The following CFAP46 variants were observed in gnomAD, a reference collection of about 807,000 sequenced individuals.
CFAP46 encodes the protein cilia and flagella associated protein 46, also known as cilia- and flagella-associated protein 46.
A neutral mutation model predicts 325.7 loss-of-function variants in CFAP46; 245 were observed. That is an observed-to-expected ratio of 0.75 (90% confidence interval 0.68 to 0.84). The LOEUF (loss-of-function observed/expected upper bound fraction) is 0.84. CFAP46 is among the 40% of genes least tolerant of loss of function. The pLI, the probability that CFAP46 is intolerant of heterozygous loss-of-function variation, is 0.00. For missense variants in CFAP46, 3,346 were observed against 3,543.0 expected (o/e 0.94, Z 1.41); for synonymous variants, 1,523 against 1,495.9 (o/e 1.02, Z -0.42).
chr10:132,916,664 G>T lies in CFAP46; in HGVS notation c.2005C>A (p.Arg669=). 6.7e-7 allele frequency: 1 copy of T among 1,487,716 alleles called. No homozygotes were observed. The highest frequency in any genetic ancestry group is 9.0e-7 in the Non-Finnish European group (1 of 1,113,794). 92.2% of individuals were successfully genotyped at this position (1,487,716 alleles called of 1,614,324 possible). ...TCATTCAGCTCTACACCTTCTGACC[G>T]CAGCAAATGAACCGTGGCCTGCAAA... ...IHAEATVHLL[R]SEGVELNDRA... The change falls in exon 17 of 58, where the codon CGG becomes AGG. Residue 669 remains arginine (R), a synonymous_variant. Coordinates refer to ENST00000368586, the MANE Select transcript of CFAP46 (RefSeq NM_001200049.3).
chr10:132,879,621 C>A lies in CFAP46; in HGVS notation c.3810G>T (p.Val1270=). The change falls in exon 29 of 58, where the codon GTG becomes GTT. Residue 1270 remains valine, a synonymous_variant. Transcript: ENST00000368586. ...EPQPTPDGEY[V]AVEMPPRSPV... Reference sequence around the variant, plus strand: ...GGCTCCGTGGGGGCATCTCCACAGCCACGTACTCCCCTGAAACACGGGGTG... The same window carrying A: ...GGCTCCGTGGGGGCATCTCCACAGCAACGTACTCCCCTGAAACACGGGGTG... 2 of 1,530,764 alleles carry A rather than the reference C, an allele frequency of 1.3e-6. No individual in the cohort carries two copies. The highest frequency in any genetic ancestry group is 1.2e-5 in the South Asian group (1 of 81,196). 94.8% of individuals were successfully genotyped at this position (1,530,764 alleles called of 1,614,324 possible).
chr10:132,810,904 C>T (rs757700688), intron 56 of CFAP46, 46 bp downstream of exon 56: 29 of 1,530,608 alleles, frequency 1.9e-5, no homozygotes, highest in Non-Finnish European at 2.3e-5. Flanking sequence ...TGTCTGACCT[C>T]TCCATCCTCA....
intron 47 of CFAP46, 32 bp downstream of exon 47, chr10:132,835,272 G>A (rs749919353): frequency 7.3e-5 from 118 of 1,608,402 alleles, no homozygotes; most frequent in Middle Eastern, 1.8e-4. Context: ...AGAGGGTCCC[G>A]GCTGGGTGGC....
chr10:132,815,028 C>A (rs1170464191), intron 50 of CFAP46, 114 bp from the exon 51 acceptor site: 15 of 955,542 alleles, frequency 1.6e-5, no homozygotes, highest in Middle Eastern at 2.6e-4. Context: ...AAAAAAAAAA[C>A]AAGTTGTGAG....
In CFAP46 at chr10:132,922,278, T is replaced by G. The variant is rs553131429; in HGVS notation, c.1486-54A>C. ...GGGCCGCTGGACTTTCCACAGCACC[T>G]TCTCCAACTTCTGGAGCCTCCTGGC... On this transcript the variant is annotated intron_variant, in intron 12 of 57. Transcript: ENST00000368586. 229 of 1,519,994 alleles carry G rather than the reference T, an allele frequency of 1.5e-4. 3 individuals carry two copies. In the East Asian group the frequency reaches 5.4e-3, roughly 36 times the overall value. 94.2% of individuals were successfully genotyped at this position (1,519,994 alleles called of 1,614,324 possible).
intron 16 of CFAP46, 73 bp from the exon 17 acceptor site, chr10:132,916,755 G>GC (rs1454572600): frequency 2.5e-5 from 35 of 1,399,382 alleles, no homozygotes; most frequent in Non-Finnish European, 3.2e-5. Flanking sequence ...AAACACACAC[G>GC]CCCTTCCCTC....
At chr10:132,809,141 C>A (rs1240020522) in intron 57 of CFAP46, among the ~76,000 whole-genome samples, 7 of 152,156 alleles carry the variant, frequency 4.6e-5, no homozygotes, top group Admixed American at 1.3e-4. Context: ...CGATCCGAAG[C>A]CCACCATCCC....
In CFAP46 at chr10:132,881,796, C is replaced by T. The variant is rs796716273; in HGVS notation, c.3628-764G>A. 4.6e-5 allele frequency among the ~76,000 whole-genome samples: 7 copies of T among 151,544 alleles called. 1 individual carries two copies. Among genetic ancestry groups the T allele is most frequent in the African/African-American group, 9.8e-5 (4 of 40,766 alleles). On this transcript the variant is annotated intron_variant, in intron 27 of 57. Coordinates refer to ENST00000368586, the MANE Select transcript of CFAP46 (RefSeq NM_001200049.3). ...CACACCACGTGCCATGCACAGATGT[C>T]GCCGCCACTTCATTTCTGCTGTCAA...
At position 132,884,478 on chromosome 10, in the gene CFAP46, G is replaced by C. The variant is rs144089628; in HGVS notation, c.3627+625C>G. Among the ~76,000 whole-genome samples the C allele has an allele frequency of 1.7e-3, 260 of 152,306 alleles. No individual in the cohort carries two copies. The highest frequency in any genetic ancestry group is 5.3e-3 in the African/African-American group (220 of 41,546). ...TTTAAGATCTTCACTAATGTTGAAA[G>C]GTTCATGCCTTTCACACCAGGGGCC... On this transcript the variant is annotated intron_variant, in intron 27 of 57. Transcript: ENST00000368586. This position sits in a 1 kb window ranked among gnomAD's most constrained non-coding sequence, Gnocchi z 5.4.
chr10:132,916,588 GGCACGTAGCCA>G lies in CFAP46; in HGVS notation c.2070_2080del (p.Gly691Ter). 1 of 1,547,762 alleles carries G rather than the reference GGCACGTAGCCA, an allele frequency of 6.5e-7. No homozygotes were observed. Among genetic ancestry groups the G allele is most frequent in the Non-Finnish European group, 8.7e-7 (1 of 1,145,674 alleles). Reference sequence around the variant, plus strand: ...CTCAGCATTCACCTCCGGGGGCTCAGGCACGTAGCCAGCTGGGTGCTGGCTCAGGTCTTCGG... The same window carrying G: ...CTCAGCATTCACCTCCGGGGGCTCAGGCTGGGTGCTGGCTCAGGTCTTCGG... On this transcript the variant is annotated frameshift_variant, in exon 17 of 58. Coordinates refer to ENST00000368586, the MANE Select transcript of CFAP46 (RefSeq NM_001200049.3). LOFTEE classifies it high-confidence loss of function.
In CFAP46 at chr10:132,857,671, G is replaced by A. The variant is rs1288231185; in HGVS notation, c.5493C>T (p.Gly1831=). ...EEEGRLHSIQ[G]LYGLAQGAMA... ...TGGCGCCCTGGGCCAGGCCATATAA[G>A]CCCTGGATGCTGTGAAGCCTCCCTT... is the stretch of plus-strand genomic sequence containing the variant. The change falls in exon 39 of 58, where the codon GGC becomes GGT. Residue 1831 remains glycine (G), a synonymous_variant. Transcript: ENST00000368586. The A allele has an allele frequency of 1.9e-6, 3 of 1,613,024 alleles. No individual in the cohort carries two copies. The highest frequency in any genetic ancestry group is 8.5e-7 in the Non-Finnish European group (1 of 1,179,580).
intron 33 of CFAP46, 115 bp from the exon 34 acceptor site, chr10:132,867,622 T>C (rs554897839): frequency 2.3e-6 from 3 of 1,318,028 alleles, no homozygotes; most frequent in South Asian, 3.0e-5. Context: ...TTCACGCGCG[T>C]GTTTACAAAG....
intron 50 of CFAP46, among the ~76,000 whole-genome samples, chr10:132,830,839 GCT>G (rs779741563): frequency 5.5e-4 from 84 of 152,178 alleles, no homozygotes; most frequent in Non-Finnish European, 7.4e-4. Context: ...TGTTGAATTT[GCT>G]CTTTTTCTAA....
chr10:132,902,312 G>A (rs1564795156), intron 22 of CFAP46, among the ~76,000 whole-genome samples: 2 of 151,924 alleles, frequency 1.3e-5, no homozygotes, highest in Non-Finnish European at 2.9e-5. Context: ...CAGACGGGAA[G>A]CTCTGTTCAT....
intron 34 of CFAP46, among the ~76,000 whole-genome samples, chr10:132,866,415 G>A (rs1182682395): frequency 1.3e-5 from 2 of 152,096 alleles, no homozygotes; most frequent in South Asian, 2.1e-4. Flanking sequence ...CTTTTCTCAC[G>A]AATCCCCTTG....
intron 50 of CFAP46, among the ~76,000 whole-genome samples, chr10:132,823,415 CTG>C (rs1359158425): frequency 2.5e-5 from 3 of 122,138 alleles, no homozygotes; most frequent in Admixed American, 8.7e-5. Flanking sequence ...GTGCTGTGTG[CTG>C]TGTGAGTGCT....
At chr10:132,915,800 C>G in intron 17 of CFAP46, among the ~76,000 whole-genome samples, 1 of 152,178 alleles carries the variant, frequency 6.6e-6, no homozygotes, top group Non-Finnish European at 1.5e-5. Flanking sequence ...TCGAACATTC[C>G]CAACATGGAG....
intron 13 of CFAP46, among the ~76,000 whole-genome samples, chr10:132,920,930 G>A (rs964642015): frequency 6.6e-6 from 1 of 152,256 alleles, no homozygotes; most frequent in Non-Finnish European, 1.5e-5. Context: ...CAAAACAGGT[G>A]AGTCTGGGTC....
At position 132,877,059 on chromosome 10, in the gene CFAP46, G is replaced by A. The variant is rs1848966659; in HGVS notation, c.4213-98C>T. 25 of 1,251,558 alleles carry A rather than the reference G, an allele frequency of 2.0e-5. No individual in the cohort carries two copies. The South Asian group carries it at 3.2e-4, about 16-fold the overall frequency. The allele number at this position is 1,251,558 out of a possible 1,614,324, so 77.5% of individuals were successfully genotyped here. On this transcript the variant is annotated intron_variant, in intron 30 of 57. Transcript: ENST00000368586. The surrounding 1 kb of genome is among the most constrained non-coding windows in gnomAD (Gnocchi z 5.7). Reference sequence around the variant, plus strand: ...ATGGCTGTGCAGCATTCAGGCCACAGCCCTGGGCAGCCGGCATCCTCCCCA... The same window carrying A: ...ATGGCTGTGCAGCATTCAGGCCACAACCCTGGGCAGCCGGCATCCTCCCCA...
Sources: gnomAD v4.1 joint callset for allele counts (sites outside exome capture counted in the v4.1 genomes callset) on GRCh38, gnomAD v4.1.1 for gene constraint, Gnocchi (gnomAD v3.1) non-coding constraint, MANE v1.5 for transcripts, NCBI Gene and HGNC (gene_info 2026-07-23, HGNC 2026-07-21) for gene names.